The following ABHD17C variants were observed in gnomAD, a reference collection of about 807,000 sequenced individuals.
The protein encoded by ABHD17C is alpha/beta hydrolase domain-containing protein 17C.
ABHD17C carries 11 observed loss-of-function variants against 27.9 expected under a neutral mutation model. The ratio of observed to expected loss-of-function variants is 0.39; its 90% CI spans 0.25 to 0.65. The LOEUF (loss-of-function observed/expected upper bound fraction) is 0.65, where lower values mean the gene tolerates loss of function less well. ABHD17C is among the 30% of genes least tolerant of loss of function. ABHD17C has a pLI of 0.45. For missense variants in ABHD17C, 280 were observed against 470.2 expected (o/e 0.60, Z 3.74); for synonymous variants, 233 against 209.1 (o/e 1.11, Z -0.98).
At chr15:80,737,320 CG>C in intron 1 of ABHD17C, among the ~76,000 whole-genome samples, 1 of 152,246 alleles carries the variant, frequency 6.6e-6, no homozygotes, top group African/African-American at 2.4e-5. Context: ...AATATTAGTA[CG>C]GTCTTTGTTT....
chr15:80,752,788 A>G (rs1429618724), intron 2 of ABHD17C, among the ~76,000 whole-genome samples: 1 of 152,178 alleles, frequency 6.6e-6, no homozygotes, highest in Non-Finnish European at 1.5e-5. Flanking sequence ...GGATGAAATG[A>G]CTGTTATCCC....
chr15:80,731,509 G>A (rs948042124), intron 1 of ABHD17C, among the ~76,000 whole-genome samples: 3 of 152,158 alleles, frequency 2.0e-5, no homozygotes, highest in Admixed American at 1.3e-4. Flanking sequence ...CAAGATCCCA[G>A]GTTTGTCATT....
At chr15:80,711,294 G>A (rs921101002) in intron 1 of ABHD17C, among the ~76,000 whole-genome samples, 1 of 152,178 alleles carries the variant, frequency 6.6e-6, no homozygotes, top group Non-Finnish European at 1.5e-5. Flanking sequence ...GTAGGAGAGA[G>A]CATCCTGACA....
intron 1 of ABHD17C, among the ~76,000 whole-genome samples, chr15:80,697,320 A>G (rs935813926): frequency 6.6e-6 from 1 of 152,252 alleles, no homozygotes; most frequent in African/African-American, 2.4e-5. Context: ...AGAGTCTGTA[A>G]GTAGTTAAAA....
At chr15:80,715,028 A>G (rs2170880) in intron 1 of ABHD17C, among the ~76,000 whole-genome samples, 131,973 of 152,228 alleles carry the variant, frequency 0.87, 57,272 homozygotes, top group Non-Finnish European at 0.89. Flanking sequence ...TGATCCGCCC[A>G]CCTCGGCCTC....
intron 1 of ABHD17C, among the ~76,000 whole-genome samples, chr15:80,735,895 G>C (rs1197914278): frequency 6.6e-6 from 1 of 152,112 alleles, no homozygotes; most frequent in African/African-American, 2.4e-5. Context: ...AAGAGCACAT[G>C]GTTTACCCTC....
chr15:80,731,552 C>G (rs72736118), intron 1 of ABHD17C, among the ~76,000 whole-genome samples: 1,987 of 150,478 alleles, frequency 0.013, 23 homozygotes, highest in Middle Eastern at 0.024. Flanking sequence ...TCTACCTCAC[C>G]AGCAAGATAG....
intron 1 of ABHD17C, among the ~76,000 whole-genome samples, chr15:80,743,674 A>T (rs1357091312): frequency 6.6e-6 from 1 of 151,996 alleles, no homozygotes; most frequent in Non-Finnish European, 1.5e-5. Flanking sequence ...CCTCAACTTC[A>T]TGAGCTCAGG....
chr15:80,713,990 GTCACCCA>G (rs1408382002), intron 1 of ABHD17C, among the ~76,000 whole-genome samples: 41 of 150,706 alleles, frequency 2.7e-4, no homozygotes, highest in Middle Eastern at 3.4e-3. Flanking sequence ...GTCTTGCTCT[GTCACCCA>G]GGCTGGAGTG....
chr15:80,723,308 C>T lies in ABHD17C; in HGVS notation c.591-26205C>T, dbSNP rs1008510331. Among the ~76,000 whole-genome samples, 15 of 152,342 alleles carry T rather than the reference C, an allele frequency of 9.8e-5. No homozygotes were observed. In the East Asian group the frequency reaches 2.9e-3, roughly 29 times the overall value. On this transcript the variant is annotated intron_variant, in intron 1 of 2. Coordinates refer to ENST00000258884, the MANE Select transcript of ABHD17C (RefSeq NM_021214.2). ...CCCATGACCCAGGGGTCACCACTGA[C>T]TTCTCAGCCTGTGTGAACAGAAGTT...
chr15:80,734,653 G>C (rs1895103922), intron 1 of ABHD17C, among the ~76,000 whole-genome samples: 2 of 152,056 alleles, frequency 1.3e-5, no homozygotes, highest in African/African-American at 4.8e-5. Context: ...TTTTGCTTTG[G>C]CACAGAGAAA....
At chr15:80,728,310 G>A (rs8030149) in intron 1 of ABHD17C, among the ~76,000 whole-genome samples, 5,449 of 152,282 alleles carry the variant, frequency 0.036, 338 homozygotes, top group African/African-American at 0.12. Flanking sequence ...GGTCTCTGGC[G>A]TCTTCCTGAT....
intron 1 of ABHD17C, among the ~76,000 whole-genome samples, chr15:80,737,166 A>T (rs147258598): frequency 6.8e-4 from 103 of 152,326 alleles, no homozygotes; most frequent in African/African-American, 2.4e-3. Context: ...GGATTACTGC[A>T]CACATCGCAC....
At chr15:80,736,511 G>A (rs563707690) in intron 1 of ABHD17C, among the ~76,000 whole-genome samples, 60 of 152,118 alleles carry the variant, frequency 3.9e-4, no homozygotes, top group African/African-American at 1.4e-3. Context: ...TTTATTCTGA[G>A]GCTTTTCTCT....
In ABHD17C at chr15:80,695,999, G is replaced by A. The variant is rs1894488934; in HGVS notation, c.570G>A (p.Ala190=). The change falls in exon 1 of 3, where the codon GCG becomes GCA. Residue 190 remains alanine (A), a synonymous_variant. Coordinates refer to ENST00000258884, the MANE Select transcript of ABHD17C (RefSeq NM_021214.2). The surrounding 1 kb of genome is among the most constrained non-coding windows in gnomAD (Gnocchi z 4.3). ...EKNLYADIDA[A]WQALRTRYGV... is the part of the protein sequence containing the mutation. ...ACCTCTACGCCGACATCGACGCCGC[G>A]TGGCAGGCGCTGCGCACCCGGTGAG... 1 of 1,578,684 alleles carries A rather than the reference G, an allele frequency of 6.3e-7. No individual in the cohort carries two copies. Among genetic ancestry groups the A allele is most frequent in the African/African-American group, 1.3e-5 (1 of 74,620 alleles).
intron 1 of ABHD17C, among the ~76,000 whole-genome samples, chr15:80,714,998 G>A (rs1894783613): frequency 1.3e-5 from 2 of 152,164 alleles, no homozygotes; most frequent in African/African-American, 4.8e-5. Flanking sequence ...AGCCAGGATG[G>A]TCTCGATCTC....
chr15:80,728,845 A>T (rs1408095419), intron 1 of ABHD17C, among the ~76,000 whole-genome samples: 1 of 152,178 alleles, frequency 6.6e-6, no homozygotes, highest in Non-Finnish European at 1.5e-5. Context: ...TCCTTCGTTC[A>T]AGGGATCCTC....
chr15:80,738,827 C>A (rs1049852201), intron 1 of ABHD17C, among the ~76,000 whole-genome samples: 1 of 151,866 alleles, frequency 6.6e-6, no homozygotes, highest in African/African-American at 2.4e-5. Context: ...ATACTGGGGG[C>A]AAATGAACAA....
At position 80,755,404 on chromosome 15, in the gene ABHD17C, TAGG is replaced by T. The variant is rs1895419324; in HGVS notation, c.*1037_*1039del. ...AGTTGCGCCAAATAAGCATCAGAAA[TAGG>T]AGATGCTTAACATTGCTATACTACT... On this transcript the variant is annotated 3_prime_UTR_variant, in exon 3 of 3. Coordinates refer to ENST00000258884, the MANE Select transcript of ABHD17C (RefSeq NM_021214.2). The T allele has an allele frequency of 6.6e-6, 1 of 152,188 alleles. No homozygotes were observed. Among genetic ancestry groups the T allele is most frequent in the Non-Finnish European group, 1.5e-5 (1 of 68,022 alleles). The allele number at this position is 152,188 out of a possible 1,614,324, so 9.4% of individuals were successfully genotyped here. A position where few individuals can be genotyped will look rare whatever the true frequency, so the allele number is the denominator to read the frequency against.
Sources: allele counts gnomAD v4.1 joint callset (sites outside exome capture counted in the v4.1 genomes callset), GRCh38; gene constraint gnomAD v4.1.1; non-coding constraint Gnocchi (gnomAD v3.1); transcripts MANE v1.5; gene names NCBI Gene and HGNC (gene_info 2026-07-23, HGNC 2026-07-21).